KCTD16: variants seen among roughly 807,000 people sequenced by gnomAD.
KCTD16 encodes potassium channel tetramerization domain containing 16.
KCTD16 carries 13 observed loss-of-function variants against 33.2 expected under a neutral mutation model. The ratio of observed to expected loss-of-function variants is 0.39; its 90% CI spans 0.25 to 0.62. The LOEUF is 0.62. Among genes scored for constraint, KCTD16 ranks in the 20% least tolerant of loss-of-function variants. The pLI, the probability that KCTD16 is intolerant of heterozygous loss-of-function variation, is 0.50. For synonymous variants in KCTD16, 197 were observed against 195.3 expected, an observed-to-expected ratio of 1.01 and a Z score of -0.07; for missense variants, 441 against 525.1, an observed-to-expected ratio of 0.84 and a Z score of 1.57.
chr5:144,442,172 A>T (rs1329626060), intron 3 of KCTD16, among the ~76,000 whole-genome samples: 3 of 152,154 alleles, frequency 2.0e-5, no homozygotes, highest in Admixed American at 6.6e-5. Flanking sequence ...CTTGGATCAA[A>T]GTAGCTTATT....
chr5:144,420,104 A>C (rs1434405110), intron 3 of KCTD16, among the ~76,000 whole-genome samples: 1 of 152,158 alleles, frequency 6.6e-6, no homozygotes, highest in Non-Finnish European at 1.5e-5. Flanking sequence ...AAAGCAAGAT[A>C]AATTCCCTTC....
chr5:144,464,283 A>G (rs1010501030), intron 3 of KCTD16, among the ~76,000 whole-genome samples: 1 of 152,208 alleles, frequency 6.6e-6, no homozygotes. Context: ...GCCTTTTACT[A>G]GTTTTCTGAG....
intron 3 of KCTD16, among the ~76,000 whole-genome samples, chr5:144,434,422 T>A (rs1214329870): frequency 2.6e-5 from 4 of 152,116 alleles, no homozygotes; most frequent in Non-Finnish European, 1.5e-5. Context: ...ATGAGGATCC[T>A]GAATGAGGGA....
intron 3 of KCTD16, among the ~76,000 whole-genome samples, chr5:144,440,035 T>C (rs1753669107): frequency 6.6e-6 from 1 of 151,988 alleles, no homozygotes; most frequent in Non-Finnish European, 1.5e-5. Context: ...TAATGAATTA[T>C]TCTAAGGCAA....
At position 144,451,060 on chromosome 5, in the gene KCTD16, C is replaced by T. The variant is rs138848696; in HGVS notation, c.833-22600C>T. ...CTTGCTTGTGGTTTGTGGTAGCATA[C>T]GTTAAATATGCACAGCTGCTTTTAT... On this transcript the variant is annotated intron_variant, in intron 3 of 3. Coordinates refer to ENST00000512467, the MANE Select transcript of KCTD16 (RefSeq NM_020768.4). Among the ~76,000 whole-genome samples the T allele has an allele frequency of 2.6e-3, 401 of 152,066 alleles. 4 individuals carry two copies. The highest frequency in any genetic ancestry group is 7.9e-3 in the African/African-American group (329 of 41,502).
At chr5:144,338,890 G>C (rs1752558334) in intron 3 of KCTD16, among the ~76,000 whole-genome samples, 1 of 152,196 alleles carries the variant, frequency 6.6e-6, no homozygotes, top group Admixed American at 6.5e-5. Flanking sequence ...TTTGGAACCA[G>C]AGAAAAGGGG....
chr5:144,306,021 G>A (rs1279724795), intron 3 of KCTD16, among the ~76,000 whole-genome samples: 1 of 152,088 alleles, frequency 6.6e-6, no homozygotes, highest in Non-Finnish European at 1.5e-5. Flanking sequence ...AAAACAGATG[G>A]TCAGTGTAGC....
intron 3 of KCTD16, among the ~76,000 whole-genome samples, chr5:144,391,014 C>G (rs143856174): frequency 6.6e-6 from 1 of 151,990 alleles, no homozygotes; most frequent in East Asian, 1.9e-4. Flanking sequence ...ACAGCTCCCC[C>G]GCCACAACCA....
chr5:144,199,674 CCTAA>C (rs2126784766), intron 2 of KCTD16, among the ~76,000 whole-genome samples: 1 of 148,070 alleles, frequency 6.8e-6, no homozygotes, highest in Non-Finnish European at 1.5e-5. Context: ...ATTGTGCACT[CCTAA>C]CTTTGACCAT....
In KCTD16 at chr5:144,306,737, T is replaced by G. The variant is rs185135824; in HGVS notation, c.832+99191T>G. Among the ~76,000 whole-genome samples the G allele has an allele frequency of 2.0e-5, 3 of 152,326 alleles. No individual in the cohort carries two copies. The East Asian group carries it at 5.8e-4, about 29-fold the overall frequency. On this transcript the variant is annotated intron_variant, in intron 3 of 3. Transcript: ENST00000512467. ...ACTGTGAGTGTTAGCAAATCTTACC[T>G]GCTAACTCTACCACCCCTCAGGATC...
intron 2 of KCTD16, among the ~76,000 whole-genome samples, chr5:144,183,012 A>G (rs1325130893): frequency 6.6e-6 from 1 of 151,914 alleles, no homozygotes; most frequent in Non-Finnish European, 1.5e-5. Flanking sequence ...ATAAAAAGTC[A>G]TGTTGTACAC....
intron 3 of KCTD16, among the ~76,000 whole-genome samples, chr5:144,469,115 T>A (rs896072735): frequency 6.6e-6 from 1 of 152,220 alleles, no homozygotes; most frequent in African/African-American, 2.4e-5. Flanking sequence ...TGCCTCTCCC[T>A]GTTTAATCCA....
At chr5:144,421,962 A>T (rs1561602609) in intron 3 of KCTD16, among the ~76,000 whole-genome samples, 1 of 152,112 alleles carries the variant, frequency 6.6e-6, no homozygotes, top group East Asian at 1.9e-4. Flanking sequence ...AAGGCCCTAG[A>T]TAGGAAAATA....
chr5:144,213,393 TTCTC>T (rs1225565417), intron 3 of KCTD16, among the ~76,000 whole-genome samples: 3 of 151,606 alleles, frequency 2.0e-5, no homozygotes, highest in African/African-American at 4.9e-5. Context: ...CTTTCTTTCT[TTCTC>T]TCTCTTTCTT....
intron 3 of KCTD16, among the ~76,000 whole-genome samples, chr5:144,296,610 C>G (rs1163273644): frequency 6.6e-6 from 1 of 152,104 alleles, no homozygotes; most frequent in Non-Finnish European, 1.5e-5. Flanking sequence ...TCACTGTATT[C>G]TAAGTGCCTG....
chr5:144,430,259 A>G (rs1489988324), intron 3 of KCTD16, among the ~76,000 whole-genome samples: 1 of 152,194 alleles, frequency 6.6e-6, no homozygotes, highest in East Asian at 1.9e-4. Context: ...AAAATCCATT[A>G]TTTTTTAAAA....
chr5:144,455,734 G>A (rs1754046897), intron 3 of KCTD16, among the ~76,000 whole-genome samples: 1 of 152,124 alleles, frequency 6.6e-6, no homozygotes, highest in Non-Finnish European at 1.5e-5. Flanking sequence ...GTTTAGAGAG[G>A]GCATTTAAGC....
At position 144,174,405 on chromosome 5, in the gene KCTD16, G is replaced by A. The variant is rs1488480247; in HGVS notation, c.-394G>A. The A allele has an allele frequency of 1.3e-5, 2 of 152,194 alleles. No homozygotes were observed. Among genetic ancestry groups the A allele is most frequent in the East Asian group, 1.9e-4 (1 of 5,204 alleles). The allele number at this position is 152,194 out of a possible 1,614,324, so 9.4% of individuals were successfully genotyped here. On this transcript the variant is annotated 5_prime_UTR_variant, in exon 2 of 4. Transcript: ENST00000512467. ...ATCCACAAGCATCACATGAAGTGGA[G>A]ATCTGGCAGCTCTGTGTATTTCAGT... is the stretch of plus-strand genomic sequence containing the variant.
At chr5:144,344,431 G>T (rs56068928) in intron 3 of KCTD16, among the ~76,000 whole-genome samples, 2,087 of 147,346 alleles carry the variant, frequency 0.014, 49 homozygotes, top group African/African-American at 0.05. Flanking sequence ...TACAAAATGG[G>T]AGAAAATTTT....
Sources: gnomAD v4.1 joint callset for allele counts (sites outside exome capture counted in the v4.1 genomes callset) on GRCh38, gnomAD v4.1.1 for gene constraint, MANE v1.5 for transcripts, NCBI Gene and HGNC (gene_info 2026-07-23, HGNC 2026-07-21) for gene names.